The following PTPRM variants were observed in gnomAD, a reference collection of about 807,000 sequenced individuals.
The protein encoded by PTPRM is receptor-type tyrosine-protein phosphatase mu.
In PTPRM, 47 loss-of-function variants were observed where a neutral mutation model predicts 186.7. The observed-to-expected ratio is 0.25, with a 90% CI of 0.20 to 0.32. The LOEUF is 0.32. Ranked by LOEUF, PTPRM falls within the 10% of genes least tolerant of loss-of-function variation. The pLI is 1.00. For synonymous variants in PTPRM, 668 were observed against 674.9 expected (o/e 0.99, Z 0.16); for missense variants, 1,494 against 1,865.0 (o/e 0.80, Z 3.66).
chr18:7,763,171 G>A (rs1407892854), intron 1 of PTPRM, among the ~76,000 whole-genome samples: 1 of 152,198 alleles, frequency 6.6e-6, no homozygotes, highest in Non-Finnish European at 1.5e-5. Flanking sequence ...TTTGAGCATA[G>A]GATTAGATTG....
chr18:7,767,049 G>GCAAACACATGGCGAA (rs1416246807), intron 1 of PTPRM, among the ~76,000 whole-genome samples: 1 of 152,194 alleles, frequency 6.6e-6, no homozygotes, highest in African/African-American at 2.4e-5. Flanking sequence ...AATCTGACTG[G>GCAAACACATGGCGAA]CACATGGTCT....
chr18:7,591,567 A>G (rs1045823972), intron 1 of PTPRM, among the ~76,000 whole-genome samples: 1 of 152,248 alleles, frequency 6.6e-6, no homozygotes, highest in Non-Finnish European at 1.5e-5. Context: ...GAGAGAGAAT[A>G]TGCAAGCCAA....
intron 32 of PTPRM, among the ~76,000 whole-genome samples, chr18:8,401,454 C>A (rs1179274436): frequency 6.6e-6 from 1 of 152,162 alleles, no homozygotes. Context: ...GGGATCCCAC[C>A]ACGGTAATAG....
rs1412088954 is a variant in PTPRM, at chr18:7,842,967, G to T, written c.197-45139G>T. Reference sequence around the variant, plus strand: ...ATATATAGAGAGAGAGAGAGAGAGAGAGAGAGAGAGAGATTATATGAGCCA... The same window carrying T: ...ATATATAGAGAGAGAGAGAGAGAGATAGAGAGAGAGAGATTATATGAGCCA... On this transcript the variant is annotated intron_variant, in intron 2 of 32. Transcript: ENST00000580170. Among the ~76,000 whole-genome samples the T allele has an allele frequency of 4.0e-5, 6 of 148,754 alleles. 1 individual carries two copies. The Admixed American group carries it at 4.1e-4, about 10-fold the overall frequency.
chr18:7,683,989 C>T (rs1669642163), intron 1 of PTPRM, among the ~76,000 whole-genome samples: 1 of 152,146 alleles, frequency 6.6e-6, no homozygotes, highest in Non-Finnish European at 1.5e-5. Context: ...CCTGCCTTTT[C>T]CTGTGGCTCC....
chr18:8,189,796 C>G (rs2093687558), intron 14 of PTPRM, among the ~76,000 whole-genome samples: 1 of 152,156 alleles, frequency 6.6e-6, no homozygotes, highest in Non-Finnish European at 1.5e-5. Context: ...AAAGAGCCCT[C>G]TTTTAAAATC....
intron 1 of PTPRM, among the ~76,000 whole-genome samples, chr18:7,704,413 G>A (rs907535445): frequency 1.3e-5 from 2 of 152,122 alleles, no homozygotes; most frequent in African/African-American, 4.8e-5. Flanking sequence ...GGGTGTGTGT[G>A]TCTAGGAATT....
chr18:7,915,888 A>G (rs2050527137), intron 4 of PTPRM, among the ~76,000 whole-genome samples: 1 of 152,202 alleles, frequency 6.6e-6, no homozygotes, highest in Non-Finnish European at 1.5e-5. Flanking sequence ...GGAAGATTAT[A>G]TAAGCCTTTA....
intron 1 of PTPRM, among the ~76,000 whole-genome samples, chr18:7,747,059 G>C (rs1598486226): frequency 2.0e-5 from 3 of 152,216 alleles, no homozygotes; most frequent in African/African-American, 7.2e-5. Context: ...GCTTTCTGTT[G>C]TTTGTGGCCA....
At chr18:7,774,603 A>G (rs759836775) in intron 2 of PTPRM, among the ~76,000 whole-genome samples, 1 of 152,200 alleles carries the variant, frequency 6.6e-6, no homozygotes, top group Non-Finnish European at 1.5e-5. Context: ...TTAGAACTCC[A>G]GTTGGGGAAT....
intron 23 of PTPRM, among the ~76,000 whole-genome samples, chr18:8,351,408 G>A (rs191178127): frequency 6.6e-6 from 1 of 152,288 alleles, no homozygotes. Flanking sequence ...TCTGTGTCAC[G>A]GGATTACTGT....
rs148502481 is a variant in PTPRM, at chr18:8,353,612, G to C, written c.3054+10092G>C. ...CACTGTGACTTGGGTTGCTATAAAG[G>C]ATATTAACCAAGAATGGGTATCTCT... On this transcript the variant is annotated intron_variant, in intron 23 of 32. Transcript: ENST00000580170. 8.9e-3 allele frequency among the ~76,000 whole-genome samples: 1,357 copies of C among 152,170 alleles called. 6 individuals are homozygous for C. The highest frequency in any genetic ancestry group is 0.014 in the African/African-American group (589 of 41,516).
At chr18:7,648,160 G>A (rs955010506) in intron 1 of PTPRM, among the ~76,000 whole-genome samples, 4 of 151,988 alleles carry the variant, frequency 2.6e-5, no homozygotes, top group African/African-American at 9.7e-5. Context: ...TGTGATTAGT[G>A]ATCATCGATG....
chr18:7,914,617 A>G (rs1035704329), intron 4 of PTPRM, among the ~76,000 whole-genome samples: 1 of 151,984 alleles, frequency 6.6e-6, no homozygotes, highest in Non-Finnish European at 1.5e-5. Flanking sequence ...AATGTTAACT[A>G]TTATTATTAT....
At chr18:8,401,917 C>T (rs373018973) in intron 32 of PTPRM, among the ~76,000 whole-genome samples, 1 of 152,252 alleles carries the variant, frequency 6.6e-6, no homozygotes, top group Non-Finnish European at 1.5e-5. Context: ...GCCCTGGTTA[C>T]GGTCTGACCC....
At chr18:8,092,831 CA>C (rs1393347164) in intron 11 of PTPRM, among the ~76,000 whole-genome samples, 3 of 151,966 alleles carry the variant, frequency 2.0e-5, no homozygotes, top group Non-Finnish European at 4.4e-5. Context: ...CAAAAACAAA[CA>C]AACAAAAAAC....
At chr18:7,869,383 A>G (rs531512812) in intron 2 of PTPRM, among the ~76,000 whole-genome samples, 1 of 152,322 alleles carries the variant, frequency 6.6e-6, no homozygotes, top group South Asian at 2.1e-4. Flanking sequence ...GGAAAAGCGT[A>G]ATATCTGAGC....
At chr18:8,295,244 TTTAC>T (rs1309400061) in intron 19 of PTPRM, among the ~76,000 whole-genome samples, 1 of 152,106 alleles carries the variant, frequency 6.6e-6, no homozygotes, top group East Asian at 1.9e-4. Context: ...TAAGCAACAG[TTTAC>T]CTCATGGGGG....
chr18:8,119,165 A>C (rs1241154641), intron 13 of PTPRM, among the ~76,000 whole-genome samples: 2 of 152,164 alleles, frequency 1.3e-5, no homozygotes, highest in African/African-American at 2.4e-5. Flanking sequence ...TTTGTAATGG[A>C]ATGTGAATAT....
Sources: allele counts gnomAD v4.1 joint callset (sites outside exome capture counted in the v4.1 genomes callset), GRCh38; gene constraint gnomAD v4.1.1; transcripts MANE v1.5; gene names NCBI Gene and HGNC (gene_info 2026-07-23, HGNC 2026-07-21).